Variants in THBS4 observed in about 807,000 individuals in gnomAD.
THBS4 encodes the protein thrombospondin-4.
A neutral mutation model predicts 115.7 loss-of-function variants in THBS4; 90 were observed. That is an observed-to-expected ratio of 0.78 (90% CI 0.66 to 0.93). The LOEUF is 0.93. Ranked by LOEUF, THBS4 falls within the 40% of genes least tolerant of loss-of-function variation. The probability of loss-of-function intolerance (pLI) is 0.00; values close to 1 mark genes in which losing one functional copy is unlikely to be tolerated. For missense variants in THBS4, 1,087 were observed against 1,232.7 expected (o/e 0.88, Z 1.77); for synonymous variants, 460 against 479.3 (o/e 0.96, Z 0.53).
chr5:80,078,156 G>A lies in THBS4; in HGVS notation c.2194G>A (p.Ala732Thr). Reference sequence around the variant, plus strand: ...AGAGGTCACCCTGACCGACTTCAGGGCTTACCAGACCGTGGTCCTGGATCC... The same window carrying A: ...AGAGGTCACCCTGACCGACTTCAGGACTTACCAGACCGTGGTCCTGGATCC... ...NAEVTLTDFRAYQTVVLDPEG... is the reference protein window; with the variant it reads ...NAEVTLTDFRTYQTVVLDPEG... The change falls in exon 17 of 22, where the codon GCT becomes ACT. Residue 732 changes from alanine (A) to threonine (T), a missense_variant. This residue lies in a region of THBS4 where 979 missense variants were observed against 1,103.7 expected (regional missense o/e 0.89). Transcript: ENST00000350881. The A allele has an allele frequency of 6.2e-7, 1 of 1,611,326 alleles. No homozygotes were observed.
intron 15 of THBS4, chr5:80,075,133 C>T (rs1053316483): frequency 6.6e-6 from 1 of 152,134 alleles, no homozygotes; most frequent in African/African-American, 2.4e-5. Flanking sequence ...TATTATACTG[C>T]ATTGGTTTCT....
Position 80,061,729 on chromosome 5 carries a change from G to C in THBS4, c.1022G>C (p.Cys341Ser). Residue 341 changes from cysteine (C) to serine (S), a missense_variant, in exon 8 of 22, where the codon TGC (cysteine) becomes TCC (serine). This residue lies in a region of THBS4 where 979 missense variants were observed against 1,103.7 expected (regional missense o/e 0.89). Coordinates refer to ENST00000350881, the MANE Select transcript of THBS4 (RefSeq NM_003248.6). ...KYHPCYPGVH[C>S]INLSPGFRCD... Reference sequence around the variant, plus strand: ...CATCCCTGCTACCCGGGCGTGCACTGCATAAATTTGTCTCCTGGCTTCAGA... The same window carrying C: ...CATCCCTGCTACCCGGGCGTGCACTCCATAAATTTGTCTCCTGGCTTCAGA... 6.2e-7 allele frequency: 1 copy of C among 1,614,124 alleles called. No homozygotes were observed. The highest frequency in any genetic ancestry group is 1.1e-5 in the South Asian group (1 of 91,062).
At chr5:79,995,085 G>C (rs1831764510) in intron 1 of THBS4, among the ~76,000 whole-genome samples, 2 of 152,300 alleles carry the variant, frequency 1.3e-5, no homozygotes, top group Non-Finnish European at 2.9e-5. Flanking sequence ...TGCTGGGTTT[G>C]GTTATAAGCT....
At chr5:80,048,646 G>GTGTA (rs1405191679) in intron 2 of THBS4, among the ~76,000 whole-genome samples, 1 of 151,786 alleles carries the variant, frequency 6.6e-6, no homozygotes, top group Non-Finnish European at 1.5e-5. Context: ...GTGTGTGTGT[G>GTGTA]TGTGTGTGTG....
chr5:80,040,447 C>CGGGG (rs60660392), intron 2 of THBS4, among the ~76,000 whole-genome samples, 167 bp downstream of exon 2: 2 of 85,994 alleles, frequency 2.3e-5, no homozygotes, highest in African/African-American at 4.4e-5. Flanking sequence ...CCTATATTGG[C>CGGGG]GGGGGGGTGG....
chr5:80,061,011 A>G (rs911203000), intron 7 of THBS4, among the ~76,000 whole-genome samples: 1 of 152,250 alleles, frequency 6.6e-6, no homozygotes, highest in Non-Finnish European at 1.5e-5. Flanking sequence ...GTAGTAAGCA[A>G]TTAAGACGGT....
chr5:80,033,235 G>T, upstream of THBS4: 1 of 446,640 alleles, frequency 2.2e-6, no homozygotes, highest in South Asian at 1.8e-5. Flanking sequence ...CACACGTCCA[G>T]ACTCTGGGCA....
At chr5:80,068,392 G>T in intron 10 of THBS4, 1 of 396,472 alleles carries the variant, frequency 2.5e-6, no homozygotes, top group Non-Finnish European at 4.6e-6. Context: ...CTCCGGTGAA[G>T]CCCCAGCTCC....
intron 1 of THBS4, 24 bp from the exon 2 acceptor site, chr5:80,040,053 C>G: frequency 6.2e-7 from 1 of 1,606,688 alleles, no homozygotes; most frequent in Non-Finnish European, 8.5e-7. Context: ...TTCACTTATA[C>G]CCCTTCTTCT....
Position 80,035,702 on chromosome 5 carries a change from C to A in THBS4, c.88+77C>A. 2.9e-6 allele frequency: 3 copies of A among 1,045,242 alleles called. No individual in the cohort carries two copies. Among genetic ancestry groups the A allele is most frequent in the South Asian group, 3.3e-5 (1 of 30,218 alleles). 64.7% of individuals were successfully genotyped at this position (1,045,242 alleles called of 1,614,324 possible). Reference sequence around the variant, plus strand: ...TGCTGAGTGAGTGGAGGGACTTGCTCGGCCCTGTGCTCCTGTGGCCTTGCT... The same window carrying A: ...TGCTGAGTGAGTGGAGGGACTTGCTAGGCCCTGTGCTCCTGTGGCCTTGCT... On this transcript the variant is annotated intron_variant, in intron 1 of 21. Transcript: ENST00000350881. The surrounding 1 kb of genome is among the most constrained non-coding windows in gnomAD (Gnocchi z 4.6).
At chr5:80,080,112 G>GAAGCA (rs1743415315) in intron 20 of THBS4, 35 bp downstream of exon 20, 1 of 1,596,682 alleles carries the variant, frequency 6.3e-7, no homozygotes, top group Non-Finnish European at 8.5e-7. Context: ...CCTTGCTCTA[G>GAAGCA]AAGCAAAGCA....
Position 80,068,102 on chromosome 5 carries a change from A to T in THBS4, c.1324A>T (p.Arg442Trp). The change falls in exon 10 of 22, where the codon AGG becomes TGG. Residue 442 changes from arginine (R) to tryptophan (W), a missense_variant. Transcript: ENST00000350881. ...CSVNAQCIEE[R>W]QGDVTCVCGV... ...TGTGAATGCCCAGTGCATTGAAGAG[A>T]GGCAGGGGGATGTGACATGTGTGGT... 6.2e-7 allele frequency: 1 copy of T among 1,614,028 alleles called. No homozygotes were observed. The highest frequency in any genetic ancestry group is 8.5e-7 in the Non-Finnish European group (1 of 1,180,018).
At chr5:79,994,495 G>A (rs889995348) in intron 1 of THBS4, among the ~76,000 whole-genome samples, 1 of 152,100 alleles carries the variant, frequency 6.6e-6, no homozygotes, top group Non-Finnish European at 1.5e-5. Flanking sequence ...AATTCATTAA[G>A]CAGCTTCTGT....
intron 1 of THBS4, among the ~76,000 whole-genome samples, chr5:80,039,085 C>T (rs1439269617): frequency 6.6e-6 from 1 of 152,126 alleles, no homozygotes; most frequent in African/African-American, 2.4e-5. Context: ...GCCCATTTTT[C>T]TATTAAGATG....
rs980382296 is a variant in THBS4 at position 80,035,967 on chromosome 5, T to C, written c.88+342T>C. Reference sequence around the variant, plus strand: ...CTGGTGTAGGGTGAATTCCGGGTCCTGCACCCTGTGCCGGTTCCCTCCAGG... The same window carrying C: ...CTGGTGTAGGGTGAATTCCGGGTCCCGCACCCTGTGCCGGTTCCCTCCAGG... On this transcript the variant is annotated intron_variant, in intron 1 of 21. Transcript: ENST00000350881. This position sits in a 1 kb window ranked among gnomAD's most constrained non-coding sequence, Gnocchi z 4.6. 1.3e-5 allele frequency: 13 copies of C among 1,036,506 alleles called. No individual in the cohort carries two copies. The highest frequency in any genetic ancestry group is 1.4e-5 in the Non-Finnish European group (12 of 863,478). 64.2% of individuals were successfully genotyped at this position (1,036,506 alleles called of 1,614,324 possible).
At chr5:80,063,194 C>T (rs1426841644) in intron 8 of THBS4, among the ~76,000 whole-genome samples, 2 of 152,170 alleles carry the variant, frequency 1.3e-5, no homozygotes, top group African/African-American at 4.8e-5. Flanking sequence ...TCTTCAGCAC[C>T]TATTGTTTCC....
At position 80,055,742 on chromosome 5, in the gene THBS4, C is replaced by T. The variant is rs752988357; in HGVS notation, c.293-43C>T. 8.9e-6 allele frequency: 14 copies of T among 1,581,784 alleles called. 1 individual carries two copies. The highest frequency in any genetic ancestry group is 1.2e-5 in the Non-Finnish European group (14 of 1,160,040). ...ATTTGTTGACCCTCCACTTCCCCCT[C>T]TGCCACTTATCACACCATTGGTTGA... On this transcript the variant is annotated intron_variant, in intron 2 of 21. Transcript: ENST00000350881.
upstream of THBS4, among the ~76,000 whole-genome samples, chr5:80,032,562 G>A (rs1832606210): frequency 6.6e-6 from 1 of 152,190 alleles, no homozygotes; most frequent in Non-Finnish European, 1.5e-5. Context: ...TAGGGAAGCT[G>A]ACAGTGCAAC....
At position 80,072,320 on chromosome 5, in the gene THBS4, G is replaced by C. The variant is rs202153657; in HGVS notation, c.1763G>C (p.Arg588Pro). 3 of 1,614,010 alleles carry C rather than the reference G, an allele frequency of 1.9e-6. No individual in the cohort carries two copies. Among genetic ancestry groups the C allele is most frequent in the Non-Finnish European group, 2.5e-6 (3 of 1,180,036 alleles). ...GACAACTGCCCAAAATTTCCCAATC[G>C]TGACCAACGGGACAAGGATGGTGAT... Reference protein sequence around the residue: ...ILDNCPKFPNRDQRDKDGDGV... With the variant: ...ILDNCPKFPNPDQRDKDGDGV... The change falls in exon 14 of 22, where the codon CGT (arginine) becomes CCT (proline). Residue 588 changes from arginine (R) to proline (P), a missense_variant. This residue lies in a region of THBS4 where 979 missense variants were observed against 1,103.7 expected (regional missense o/e 0.89). Coordinates refer to ENST00000350881, the MANE Select transcript of THBS4 (RefSeq NM_003248.6).
Sources: gnomAD v4.1 joint callset for allele counts (sites outside exome capture counted in the v4.1 genomes callset) on GRCh38, gnomAD v4.1.1 for gene constraint, gnomAD v4.1.1 regional missense constraint, Gnocchi (gnomAD v3.1) non-coding constraint, MANE v1.5 for transcripts, NCBI Gene and HGNC (gene_info 2026-07-23, HGNC 2026-07-21) for gene names.